CATSPERE: variants seen among roughly 807,000 people sequenced by gnomAD.
The protein encoded by CATSPERE is cation channel sperm-associated auxiliary subunit epsilon.
CATSPERE carries 93 observed loss-of-function variants against 114.1 expected under a neutral mutation model. That is an observed-to-expected ratio of 0.81 (90% CI 0.69 to 0.97). The LOEUF (loss-of-function observed/expected upper bound fraction) is 0.97. Among genes scored for constraint, CATSPERE ranks in the 50% least tolerant of loss-of-function variants. The pLI is 0.00. For synonymous variants in CATSPERE, 341 were observed against 384.1 expected (o/e 0.89, Z 1.31); for missense variants, 1,058 against 1,131.6 (o/e 0.93, Z 0.93).
Position 244,499,046 on chromosome 1 carries a change from T to C in CATSPERE, c.396T>C (p.Asp132=), listed in dbSNP as rs1038101389. ...ATGATCCAGAAAGTGCAGATCCTGA[T>C]GAGTTGCTGGGGAATGCAGAAGAAC... ...WAYDPESADP[D]ELLGNAEEPS... Residue 132 remains aspartate (D), a synonymous_variant, in exon 7 of 22, where the codon GAT becomes GAC. Transcript: ENST00000366534. The C allele has an allele frequency of 2.5e-6, 4 of 1,613,216 alleles. No homozygotes were observed. The highest frequency in any genetic ancestry group is 3.4e-6 in the Non-Finnish European group (4 of 1,179,238).
At chr1:244,483,106 G>A (rs1310180739) in intron 5 of CATSPERE, among the ~76,000 whole-genome samples, 1 of 152,144 alleles carries the variant, frequency 6.6e-6, no homozygotes, top group Non-Finnish European at 1.5e-5. Context: ...AAATGATGCT[G>A]TGAATGATCC....
rs191175217 is a variant in CATSPERE at position 244,598,051 on chromosome 1, G to A, written c.2303+4473G>A. 6.4e-4 allele frequency among the ~76,000 whole-genome samples: 97 copies of A among 152,236 alleles called. 2 individuals are homozygous for A. The highest frequency in any genetic ancestry group is 1.6e-3 in the Admixed American group (24 of 15,292). ...GAGTCTTGCTTGGTTCTGAGACAGT[G>A]CAAGAATTTTTCCAGTATTAAAATA... On this transcript the variant is annotated intron_variant, in intron 17 of 21. Coordinates refer to ENST00000366534, the MANE Select transcript of CATSPERE (RefSeq NM_001130957.2).
intron 17 of CATSPERE, chr1:244,598,645 A>G: frequency 3.3e-6 from 1 of 305,312 alleles, no homozygotes; most frequent in Non-Finnish European, 6.8e-6. Context: ...CACTGGACAC[A>G]CTTCTAAACA....
Position 244,639,678 on chromosome 1 carries a change from C to CAAAAA in CATSPERE, c.2703-240_2703-236dup, listed in dbSNP as rs33986693. On this transcript the variant is annotated intron_variant, in intron 21 of 21. Coordinates refer to ENST00000366534, the MANE Select transcript of CATSPERE (RefSeq NM_001130957.2). ...TGGGTGACAGAGGGAGACTCCATCT[C>CAAAAA]AAAAAAAAAAAAAACCAACTTCATT... 8.8e-5 allele frequency among the ~76,000 whole-genome samples: 12 copies of CAAAAA among 136,482 alleles called. 1 individual carries two copies. The highest frequency in any genetic ancestry group is 1.2e-4 in the Non-Finnish European group (8 of 64,152). The allele number at this position is 136,482 out of a possible 152,430, so 89.5% of individuals were successfully genotyped here.
intron 20 of CATSPERE, among the ~76,000 whole-genome samples, chr1:244,621,149 T>TA (rs1162154185): frequency 6.9e-4 from 29 of 42,318 alleles, no homozygotes; most frequent in African/African-American, 2.4e-3. Context: ...AATATATATA[T>TA]TATAAAATAT....
At chr1:244,459,140 T>G (rs1250909380), upstream of CATSPERE, among the ~76,000 whole-genome samples, 1 of 150,702 alleles carries the variant, frequency 6.6e-6, no homozygotes, top group East Asian at 2.0e-4. Flanking sequence ...GTTCGGTGGC[T>G]CAGTCTCGGC....
At chr1:244,603,662 ATT>A (rs5782299) in intron 17 of CATSPERE, among the ~76,000 whole-genome samples, 2 of 147,336 alleles carry the variant, frequency 1.4e-5, no homozygotes, top group South Asian at 4.3e-4. Flanking sequence ...TTCAATTAAG[ATT>A]TTTTTTTTTT....
At position 244,524,989 on chromosome 1, in the gene CATSPERE, G is replaced by A. The variant is rs1248546953; in HGVS notation, c.536+6291G>A. ...TTTGACCCAGCCATCCCATTACTCG[G>A]TATATACCCAAAGGACTATAAATCA... On this transcript the variant is annotated intron_variant, in intron 8 of 21. Coordinates refer to ENST00000366534, the MANE Select transcript of CATSPERE (RefSeq NM_001130957.2). Among the ~76,000 whole-genome samples, 3 of 145,274 alleles carry A rather than the reference G, an allele frequency of 2.1e-5. 1 individual carries two copies. The highest frequency in any genetic ancestry group is 5.5e-5 in the African/African-American group (2 of 36,266).
intron 19 of CATSPERE, chr1:244,610,686 C>T (rs1031550028): frequency 4.7e-5 from 11 of 236,308 alleles, no homozygotes; most frequent in African/African-American, 2.1e-4. Context: ...GAGGACTTCC[C>T]TGGCCACCAT....
At chr1:244,497,702 C>T (rs1262818079) in intron 6 of CATSPERE, among the ~76,000 whole-genome samples, 2 of 152,170 alleles carry the variant, frequency 1.3e-5, no homozygotes, top group African/African-American at 4.8e-5. Context: ...GAAGCTGAGG[C>T]AGGAAAATCA....
At chr1:244,611,667 C>T (rs1026693791) in intron 19 of CATSPERE, among the ~76,000 whole-genome samples, 15 of 151,946 alleles carry the variant, frequency 9.9e-5, no homozygotes, top group African/African-American at 3.6e-4. Flanking sequence ...TCAGTTAAAA[C>T]GAAACTTACC....
At chr1:244,636,997 C>A (rs1674705525) in intron 21 of CATSPERE, among the ~76,000 whole-genome samples, 1 of 152,024 alleles carries the variant, frequency 6.6e-6, no homozygotes, top group South Asian at 2.1e-4. Context: ...GCAGACTCAC[C>A]CAGATCTTCA....
At position 244,575,666 on chromosome 1, in the gene CATSPERE, T is replaced by G. The variant is rs1209055492; in HGVS notation, c.1950+2894T>G. ...GCTGTTGCTCTCTTTCTCTCTAACT[T>G]CCTCTCCTAGTTTCTCTTTCCTCTC... On this transcript the variant is annotated intron_variant, in intron 11 of 21. Transcript: ENST00000366534. This position sits in a 1 kb window ranked among gnomAD's most constrained non-coding sequence, Gnocchi z 4.5. 6.6e-6 allele frequency among the ~76,000 whole-genome samples: 1 copy of G among 152,024 alleles called. No individual in the cohort carries two copies. Among genetic ancestry groups the G allele is most frequent in the Non-Finnish European group, 1.5e-5 (1 of 67,978 alleles).
chr1:244,458,606 G>A (rs774333538), upstream of CATSPERE, among the ~76,000 whole-genome samples: 7 of 152,188 alleles, frequency 4.6e-5, no homozygotes, highest in Admixed American at 2.6e-4. Flanking sequence ...TTTCAGAGTC[G>A]AGAGAACTTA....
chr1:244,466,599 G>C (rs143144493), intron 2 of CATSPERE, among the ~76,000 whole-genome samples: 3 of 152,240 alleles, frequency 2.0e-5, no homozygotes, highest in Admixed American at 1.3e-4. Context: ...GCAGTCAGGG[G>C]TCAGAGGACA....
At chr1:244,518,438 G>A (rs954925934) in intron 7 of CATSPERE, among the ~76,000 whole-genome samples, 154 bp from the exon 8 acceptor site, 3 of 152,136 alleles carry the variant, frequency 2.0e-5, no homozygotes, top group Admixed American at 1.3e-4. Flanking sequence ...AGGCTATAAG[G>A]TAGAAAGAAC....
At chr1:244,580,766 C>T (rs750647314) in intron 11 of CATSPERE, among the ~76,000 whole-genome samples, 13 of 151,950 alleles carry the variant, frequency 8.6e-5, no homozygotes, top group Admixed American at 1.3e-4. Context: ...TCTGGGAGGC[C>T]GAGGCAGGTG....
At chr1:244,637,573 C>T (rs1674787406) in intron 21 of CATSPERE, among the ~76,000 whole-genome samples, 1 of 152,184 alleles carries the variant, frequency 6.6e-6, no homozygotes, top group Non-Finnish European at 1.5e-5. Context: ...CCCCTTCACC[C>T]TTACTGGAAC....
upstream of CATSPERE, among the ~76,000 whole-genome samples, chr1:244,452,949 CATT>C (rs1218256091): frequency 6.6e-6 from 1 of 152,238 alleles, no homozygotes; most frequent in East Asian, 1.9e-4. Context: ...AATGGAATCA[CATT>C]ATATGTACCG....
Sources: gnomAD v4.1 joint callset for allele counts (sites outside exome capture counted in the v4.1 genomes callset) on GRCh38, gnomAD v4.1.1 for gene constraint, Gnocchi (gnomAD v3.1) non-coding constraint, MANE v1.5 for transcripts, NCBI Gene and HGNC (gene_info 2026-07-23, HGNC 2026-07-21) for gene names.